GPR180: variants seen among roughly 807,000 people sequenced by gnomAD.
GPR180 encodes integral membrane protein GPR180.
A neutral mutation model predicts 52.6 loss-of-function variants in GPR180; 53 were observed. The ratio of observed to expected loss-of-function variants is 1.01; its 90% CI spans 0.81 to 1.27. The LOEUF (loss-of-function observed/expected upper bound fraction) is 1.27. Ranked by LOEUF, GPR180 falls within the 50% of genes most tolerant of loss-of-function variation. The probability of loss-of-function intolerance (pLI) is 0.00; values close to 1 mark genes in which losing one functional copy is unlikely to be tolerated. For missense variants in GPR180, 533 were observed against 527.0 expected (o/e 1.01, Z -0.11); for synonymous variants, 200 against 193.1 (o/e 1.04, Z -0.30).
chr13:94,630,038 T>C lies in GPR180; in HGVS notation c.*2867T>C, dbSNP rs555015249. On this transcript the variant is annotated 3_prime_UTR_variant, in exon 9 of 9. Coordinates refer to ENST00000376958, the MANE Select transcript of GPR180 (RefSeq NM_180989.6). ...GGTATCAAATCATTGAGGTTGTTTT[T>C]TGTTTGTTTTGAGAATTGATATGAT... The C allele has an allele frequency of 6.6e-6, 1 of 152,352 alleles. No homozygotes were observed. The highest frequency in any genetic ancestry group is 1.9e-4 in the East Asian group (1 of 5,192). 9.4% of individuals were successfully genotyped at this position (152,352 alleles called of 1,614,324 possible). A position where few individuals can be genotyped will look rare whatever the true frequency, so the allele number is the denominator to read the frequency against.
Position 94,626,869 on chromosome 13 carries a change from T to A in GPR180, c.1165-144T>A, listed in dbSNP as rs1027030275. 5 of 618,414 alleles carry A rather than the reference T, an allele frequency of 8.1e-6. No individual in the cohort carries two copies. The African/African-American group carries it at 9.5e-5, about 12-fold the overall frequency. The allele number at this position is 618,414 out of a possible 1,614,324, so 38.3% of individuals were successfully genotyped here. On this transcript the variant is annotated intron_variant, in intron 8 of 8. Coordinates refer to ENST00000376958, the MANE Select transcript of GPR180 (RefSeq NM_180989.6). ...AGAGTTCTGAGCATTAGTCAGAAAA[T>A]TTTTTTGATAAAATGTACCTATGGT...
At position 94,632,342 on chromosome 13, in the gene GPR180, A is replaced by G. The variant is rs190116873; in HGVS notation, c.*5171A>G. On this transcript the variant is annotated 3_prime_UTR_variant, in exon 9 of 9. Transcript: ENST00000376958. ...CTGAATCCAAACTCTGTTACCAGTT[A>G]TCTTTCTAGAAATGGCCCCATGCAC... 6 of 151,634 alleles carry G rather than the reference A, an allele frequency of 4.0e-5. No homozygotes were observed. Among genetic ancestry groups the G allele is most frequent in the African/African-American group, 1.2e-4 (5 of 40,904 alleles). The allele number at this position is 151,634 out of a possible 1,614,324, so 9.4% of individuals were successfully genotyped here.
chr13:94,606,470 T>A (rs1225527146), intron 2 of GPR180, among the ~76,000 whole-genome samples: 1 of 152,170 alleles, frequency 6.6e-6, no homozygotes, highest in African/African-American at 2.4e-5. Context: ...TGAGTGAAAA[T>A]TTTTTTAAAT....
chr13:94,605,990 A>G (rs575225067), intron 2 of GPR180, among the ~76,000 whole-genome samples: 1 of 152,292 alleles, frequency 6.6e-6, no homozygotes, highest in South Asian at 2.1e-4. Flanking sequence ...GTTATATGGT[A>G]TAAAATATGT....
intron 3 of GPR180, 64 bp downstream of exon 3, chr13:94,612,454 G>C: frequency 1.6e-6 from 2 of 1,217,132 alleles, no homozygotes; most frequent in Middle Eastern, 2.4e-4. Context: ...ATATATTCAT[G>C]TTGTATTTTT....
At chr13:94,611,488 A>G (rs563746034) in intron 2 of GPR180, among the ~76,000 whole-genome samples, 1 of 152,178 alleles carries the variant, frequency 6.6e-6, no homozygotes, top group Non-Finnish European at 1.5e-5. Flanking sequence ...TTTTACCACA[A>G]TAATTTTTTT....
At chr13:94,620,530 G>C (rs905912391) in intron 5 of GPR180, among the ~76,000 whole-genome samples, 3 of 152,172 alleles carry the variant, frequency 2.0e-5, no homozygotes, top group African/African-American at 7.2e-5. Context: ...CTTCTCATTT[G>C]TCTTCAGGAT....
intron 3 of GPR180, among the ~76,000 whole-genome samples, chr13:94,615,856 G>C (rs61965606): frequency 4.6e-5 from 7 of 152,132 alleles, no homozygotes; most frequent in Non-Finnish European, 8.8e-5. Context: ...AAGACAATGG[G>C]TTGGATCTTC....
chr13:94,623,771 T>C (rs752590580), intron 7 of GPR180, among the ~76,000 whole-genome samples: 3 of 152,114 alleles, frequency 2.0e-5, no homozygotes, highest in African/African-American at 7.2e-5. Flanking sequence ...TAGCAACTTA[T>C]GTGATGTAGG....
rs930838528 is a variant in GPR180, at chr13:94,627,360, ATATACT to A, written c.*192_*197del. 1.6e-5 allele frequency: 8 copies of A among 491,752 alleles called. 1 individual carries two copies. Among genetic ancestry groups the A allele is most frequent in the Non-Finnish European group, 2.8e-5 (8 of 285,254 alleles). 30.5% of individuals were successfully genotyped at this position (491,752 alleles called of 1,614,324 possible). A position where few individuals can be genotyped will look rare whatever the true frequency, so the allele number is the denominator to read the frequency against. On this transcript the variant is annotated 3_prime_UTR_variant, in exon 9 of 9. Transcript: ENST00000376958. ...AAGGTAATAAATGAAATGTTTTGAA[ATATACT>A]TAAACAACAAACTTTGAAGAAAGTG... is the stretch of plus-strand genomic sequence containing the variant.
rs770566513 is a variant in GPR180, at chr13:94,613,483, C to T, written c.505+1093C>T. On this transcript the variant is annotated intron_variant, in intron 3 of 8. Coordinates refer to ENST00000376958, the MANE Select transcript of GPR180 (RefSeq NM_180989.6). ...TTTTTATTTTTTAGAGACGGGGTCT[C>T]GCTATGTTGCCCAGGTTGTCTCAAA... Among the ~76,000 whole-genome samples, 228 of 152,188 alleles carry T rather than the reference C, an allele frequency of 1.5e-3. 1 individual carries two copies. The highest frequency in any genetic ancestry group is 2.8e-3 in the Non-Finnish European group (188 of 68,002).
intron 5 of GPR180, 116 bp downstream of exon 5, chr13:94,619,633 T>A: frequency 1.2e-6 from 1 of 830,820 alleles, no homozygotes; most frequent in Non-Finnish European, 1.9e-6. Context: ...TCAGCTTGAC[T>A]GAGAACAGGA....
intron 7 of GPR180, 83 bp downstream of exon 7, chr13:94,623,383 C>A: frequency 9.1e-7 from 1 of 1,093,124 alleles, no homozygotes; most frequent in Admixed American, 2.0e-5. Context: ...CAACTACATG[C>A]TAACTTTTAT....
chr13:94,614,666 G>A (rs1258591974), intron 3 of GPR180, among the ~76,000 whole-genome samples: 1 of 151,898 alleles, frequency 6.6e-6, no homozygotes, highest in African/African-American at 2.4e-5. Flanking sequence ...TCTTAGTTTT[G>A]TCTCCTTCTG....
intron 2 of GPR180, among the ~76,000 whole-genome samples, chr13:94,606,254 C>G (rs1889629344): frequency 6.6e-6 from 1 of 152,184 alleles, no homozygotes; most frequent in Non-Finnish European, 1.5e-5. Flanking sequence ...CAAGATCATA[C>G]CACTGTACTC....
chr13:94,623,601 G>A (rs1335111782), intron 7 of GPR180, among the ~76,000 whole-genome samples: 11 of 151,630 alleles, frequency 7.3e-5, no homozygotes, highest in African/African-American at 2.7e-4. Flanking sequence ...GATTGCTTGA[G>A]CCTGTGCATT....
At chr13:94,611,151 C>T (rs747558095) in intron 2 of GPR180, among the ~76,000 whole-genome samples, 2 of 152,080 alleles carry the variant, frequency 1.3e-5, no homozygotes, top group Non-Finnish European at 2.9e-5. Flanking sequence ...CTGAATGATG[C>T]CACACACCCC....
intron 6 of GPR180, among the ~76,000 whole-genome samples, chr13:94,621,767 A>C (rs1292383676): frequency 6.6e-6 from 1 of 152,142 alleles, no homozygotes; most frequent in East Asian, 1.9e-4. Flanking sequence ...TAAAAACAAA[A>C]CTAGTCTTTT....
rs1271728040 is a variant in GPR180, at chr13:94,627,308, A to G, written c.*137A>G. The G allele has an allele frequency of 3.0e-6, 2 of 669,074 alleles. No individual in the cohort carries two copies. The highest frequency in any genetic ancestry group is 3.2e-5 in the Admixed American group (1 of 31,032). 41.4% of individuals were successfully genotyped at this position (669,074 alleles called of 1,614,324 possible). ...CAGAGCATGTTATTTATATAACTGC[A>G]TTTAAGCAGTACCAAGACTGAAAAA... On this transcript the variant is annotated 3_prime_UTR_variant, in exon 9 of 9. Coordinates refer to ENST00000376958, the MANE Select transcript of GPR180 (RefSeq NM_180989.6).
Sources: allele counts gnomAD v4.1 joint callset (sites outside exome capture counted in the v4.1 genomes callset), GRCh38; gene constraint gnomAD v4.1.1; transcripts MANE v1.5; gene names NCBI Gene and HGNC (gene_info 2026-07-23, HGNC 2026-07-21).